MYO18A: variants seen among roughly 807,000 people sequenced by gnomAD.
MYO18A encodes myosin XVIIIA.
In MYO18A, 78 loss-of-function variants were observed where a neutral mutation model predicts 235.8. The ratio of observed to expected loss-of-function variants is 0.33; its 90% CI spans 0.28 to 0.40. The LOEUF (loss-of-function observed/expected upper bound fraction) is 0.40. Ranked by LOEUF, MYO18A falls within the 10% of genes least tolerant of loss-of-function variation. The pLI is 1.00. For missense variants in MYO18A, 2,215 were observed against 2,699.3 expected, an observed-to-expected ratio of 0.82 and a Z score of 3.98; for synonymous variants, 977 against 1,077.8, an observed-to-expected ratio of 0.91 and a Z score of 1.83.
chr17:29,161,355 CAAAAAAAAAAAAA>C (rs1175565325), intron 2 of MYO18A, among the ~76,000 whole-genome samples: 1 of 50,308 alleles, frequency 2.0e-5, no homozygotes, highest in African/African-American at 6.6e-5. Flanking sequence ...AACTCCATGT[CAAAAAAAAAAAAA>C]AAAAAAAAAA....
At chr17:29,128,419 C>T (rs1412508520) in intron 2 of MYO18A, 32 of 1,289,378 alleles carry the variant, frequency 2.5e-5, no homozygotes, top group Non-Finnish European at 2.9e-5. Context: ...TGGCAGCTCC[C>T]GGGCCGTTCA....
chr17:29,162,215 T>C (rs1312234527), intron 2 of MYO18A, among the ~76,000 whole-genome samples: 1 of 152,182 alleles, frequency 6.6e-6, no homozygotes, highest in African/African-American at 2.4e-5. Flanking sequence ...TAGAGCATGC[T>C]CCATAAGCAG....
chr17:29,159,614 C>G (rs968858165), intron 2 of MYO18A, among the ~76,000 whole-genome samples: 3 of 152,210 alleles, frequency 2.0e-5, no homozygotes, highest in African/African-American at 7.2e-5. Context: ...GCTGCTCCAC[C>G]ACCACCAGAA....
intron 37 of MYO18A, among the ~76,000 whole-genome samples, chr17:29,088,321 T>C (rs952827616): frequency 2.6e-5 from 4 of 151,770 alleles, no homozygotes; most frequent in Non-Finnish European, 4.4e-5. Context: ...CCAAAAGTGC[T>C]GGGATTACAG....
chr17:29,131,178 C>G (rs1006497152), intron 2 of MYO18A, among the ~76,000 whole-genome samples: 5 of 152,184 alleles, frequency 3.3e-5, no homozygotes, highest in Admixed American at 6.5e-5. Flanking sequence ...TACTTTCTTC[C>G]CCTTTACTAG....
intron 32 of MYO18A, 44 bp from the exon 33 acceptor site, chr17:29,093,045 CT>C: frequency 1.3e-6 from 2 of 1,590,142 alleles, no homozygotes; most frequent in East Asian, 4.5e-5. Context: ...CTGCACAGGG[CT>C]TCCTCCTATC....
rs1053943099 is a variant in MYO18A at position 29,073,753 on chromosome 17, G to A, written c.*1017C>T. The A allele has an allele frequency of 5.7e-6, 7 of 1,227,002 alleles. No homozygotes were observed. The African/African-American group carries it at 9.0e-5, about 16-fold the overall frequency. 76.0% of individuals were successfully genotyped at this position (1,227,002 alleles called of 1,614,324 possible). On this transcript the variant is annotated 3_prime_UTR_variant, in exon 42 of 42. Transcript: ENST00000527372. The stretch of plus-strand genomic sequence containing the variant: ...TGGGATAAGTGTGTGGGGGCAGGGA[G>A]GTTGGAAGAATGACACGGGCTCAGG...
At position 29,073,599 on chromosome 17, in the gene MYO18A, G is replaced by T; in HGVS notation, c.*1171C>A. On this transcript the variant is annotated 3_prime_UTR_variant, in exon 42 of 42. Transcript: ENST00000527372. ...GCCCAGTGAGTACAAACCAATTGCA[G>T]GAGAGAAGGGGGGCGGCAGATGGGA... 2.2e-6 allele frequency: 1 copy of T among 446,992 alleles called. No homozygotes were observed. The allele number at this position is 446,992 out of a possible 1,614,324, so 27.7% of individuals were successfully genotyped here. A position where few individuals can be genotyped will look rare whatever the true frequency, so the allele number is the denominator to read the frequency against.
chr17:29,115,794 C>T lies in MYO18A; in HGVS notation c.2097G>A (p.Ala699=), dbSNP rs766068095. ...FARHEWAQKA[A]YLLGCSLEEL... ...CCTCCAGGCTGCAGCCCAGTAGGTA[C>T]GCAGCCTTCTGGGCCCACTCATGGC... The change falls in exon 12 of 42, where the codon GCG becomes GCA. Residue 699 remains alanine, a synonymous_variant. Transcript: ENST00000527372. The T allele has an allele frequency of 6.9e-6, 11 of 1,591,338 alleles. No homozygotes were observed. The African/African-American group carries it at 9.4e-5, about 14-fold the overall frequency.
chr17:29,113,543 C>T (rs143032679), intron 15 of MYO18A, among the ~76,000 whole-genome samples: 2,361 of 152,254 alleles, frequency 0.016, 69 homozygotes, highest in African/African-American at 0.054. Context: ...CCCCTGGGAG[C>T]GGGAGGCTGG....
intron 20 of MYO18A, among the ~76,000 whole-genome samples, chr17:29,104,498 G>C (rs1183252982): frequency 6.6e-6 from 1 of 152,150 alleles, no homozygotes; most frequent in Non-Finnish European, 1.5e-5. Flanking sequence ...AGTTTGGTTT[G>C]AACAAGCTGA....
intron 2 of MYO18A, among the ~76,000 whole-genome samples, chr17:29,143,357 G>A (rs994626276): frequency 2.7e-5 from 4 of 149,748 alleles, no homozygotes; most frequent in South Asian, 2.1e-4. Flanking sequence ...CTCAGCCTCC[G>A]TAGTAGCTGG....
Position 29,090,802 on chromosome 17 carries a change from AG to A in MYO18A, c.5304+7del. 6.2e-7 allele frequency: 1 copy of A among 1,611,246 alleles called. No individual in the cohort carries two copies. The highest frequency in any genetic ancestry group is 2.2e-5 in the East Asian group (1 of 44,864). On this transcript the variant is annotated splice_region_variant and intron_variant, in intron 35 of 41. Coordinates refer to ENST00000527372, the MANE Select transcript of MYO18A (RefSeq NM_078471.4). ...GCAGAGTGTGACGGGCACTCCTGGC[AG>A]GGGTACCTGAGCCACGGCAGCCTTG...
At position 29,110,432 on chromosome 17, in the gene MYO18A, T is replaced by C. The variant is rs1647356915; in HGVS notation, c.3087+4A>G. Reference sequence around the variant, plus strand: ...CTGCCTGCTGGGACCCGGCTGGCACTCACCACCTGTAGCTTCATCTGGATG... The same window carrying C: ...CTGCCTGCTGGGACCCGGCTGGCACCCACCACCTGTAGCTTCATCTGGATG... On this transcript the variant is annotated splice_donor_region_variant and intron_variant, in intron 18 of 41. Transcript: ENST00000527372. 1 of 1,579,658 alleles carries C rather than the reference T, an allele frequency of 6.3e-7. No homozygotes were observed. The highest frequency in any genetic ancestry group is 1.3e-5 in the African/African-American group (1 of 74,184).
In MYO18A at chr17:29,121,602, C is replaced by A; in HGVS notation, c.1316G>T (p.Gly439Val). The A allele has an allele frequency of 1.9e-6, 3 of 1,598,596 alleles. No individual in the cohort carries two copies. The highest frequency in any genetic ancestry group is 2.6e-6 in the Non-Finnish European group (3 of 1,173,170). Reference sequence around the variant, plus strand: ...GGGGCCAAGAACCAGCAGGCTGGGGCCAGCATACGTGTGCAGCAGGCTAGC... The same window carrying A: ...GGGGCCAAGAACCAGCAGGCTGGGGACAGCATACGTGTGCAGCAGGCTAGC... ...YGASLLHTYA[G>V]PSLLVLGPRG... The change falls in exon 5 of 42, where the codon GGC becomes GTC. Residue 439 changes from glycine to valine, a missense_variant. Gly to Val is a moderately radical substitution (Grantham distance 109). Coordinates refer to ENST00000527372, the MANE Select transcript of MYO18A (RefSeq NM_078471.4). This position sits in a 1 kb window ranked among gnomAD's most constrained non-coding sequence, Gnocchi z 4.2.
chr17:29,088,976 G>T (rs1364905789), intron 37 of MYO18A, among the ~76,000 whole-genome samples: 3 of 150,742 alleles, frequency 2.0e-5, no homozygotes, highest in African/African-American at 7.3e-5. Flanking sequence ...AGCCCAGGAG[G>T]TCAAGGCTAC....
In MYO18A at chr17:29,123,210, T is replaced by A. The variant is rs118095648; in HGVS notation, c.1000-957A>T. Among the ~76,000 whole-genome samples, 381 of 152,208 alleles carry A rather than the reference T, an allele frequency of 2.5e-3. 13 individuals carry two copies. In the East Asian group the frequency reaches 0.066, roughly 26 times the overall value. On this transcript the variant is annotated intron_variant, in intron 2 of 41. Transcript: ENST00000527372. The stretch of plus-strand genomic sequence containing the variant: ...GGGAAGAAACGGTGTCTGGGGGAGC[T>A]GGGGAAACAGACGAGGGACCCAGGG...
rs1016640789 is a variant in MYO18A, at chr17:29,140,160, C to T, written c.1000-17907G>A. Among the ~76,000 whole-genome samples the T allele has an allele frequency of 2.0e-5, 3 of 152,140 alleles. No homozygotes were observed. In the South Asian group the frequency reaches 6.2e-4, roughly 32 times the overall value. On this transcript the variant is annotated intron_variant, in intron 2 of 41. Coordinates refer to ENST00000527372, the MANE Select transcript of MYO18A (RefSeq NM_078471.4). The surrounding 1 kb of genome is among the most constrained non-coding windows in gnomAD (Gnocchi z 4.2). The stretch of plus-strand genomic sequence containing the variant: ...CGGAGGGGTTTTGAGGCTTCCGGGG[C>T]TGAGTAACTCCCTTCTTACCAAGAA...
At position 29,166,693 on chromosome 17, in the gene MYO18A, G is replaced by A. The variant is rs1000787150; in HGVS notation, c.248C>T (p.Ser83Phe). 6.2e-7 allele frequency: 1 copy of A among 1,613,862 alleles called. No individual in the cohort carries two copies. The highest frequency in any genetic ancestry group is 1.3e-5 in the African/African-American group (1 of 75,040). ...GSDLHLTDID[S>F]DSNRGSVILD... ...GATGACGCTGCCCCGGTTACTATCG[G>A]AGTCAATGTCAGTCAGGTGCAGGTC... Residue 83 changes from serine (S) to phenylalanine (F), a missense_variant, in exon 2 of 42, where the codon TCC becomes TTC. By Grantham distance (155) the Ser-to-Phe change is radical (BLOSUM62 -2). Transcript: ENST00000527372.
Sources: gnomAD v4.1 joint callset for allele counts (sites outside exome capture counted in the v4.1 genomes callset) on GRCh38, gnomAD v4.1.1 for gene constraint, Gnocchi (gnomAD v3.1) non-coding constraint, MANE v1.5 for transcripts, NCBI Gene and HGNC (gene_info 2026-07-23, HGNC 2026-07-21) for gene names.